Variants in RNF128 observed in about 807,000 individuals in gnomAD.
RNF128 encodes E3 ubiquitin-protein ligase RNF128.
A neutral mutation model predicts 26.2 loss-of-function variants in RNF128; 13 were observed. The observed-to-expected ratio is 0.50, with a 90% CI of 0.32 to 0.79. The LOEUF (loss-of-function observed/expected upper bound fraction) is 0.79, where lower values mean the gene tolerates loss of function less well. Ranked by LOEUF, RNF128 falls within the 30% of genes least tolerant of loss-of-function variation. The probability of loss-of-function intolerance (pLI) is 0.03; values close to 1 mark genes in which losing one functional copy is unlikely to be tolerated. For missense variants in RNF128, 315 were observed against 349.7 expected, an observed-to-expected ratio of 0.90 and a Z score of 0.79; for synonymous variants, 149 against 142.5, an observed-to-expected ratio of 1.05 and a Z score of -0.32.
Position 106,795,749 on chromosome X carries a change from T to A in RNF128, c.*36T>A, listed in dbSNP as rs1276714371. On this transcript the variant is annotated 3_prime_UTR_variant, in exon 7 of 7. Transcript: ENST00000255499. ...AATAGAAAACTTGAACCATTAGTAA[T>A]AACAGAACTGCCAATCAGGGCCTAG... 3 of 1,093,984 alleles carry A rather than the reference T, an allele frequency of 2.7e-6. No individual in the cohort carries two copies. The highest frequency in any genetic ancestry group is 3.7e-6 in the Non-Finnish European group (3 of 815,064). The allele number at this position is 1,093,984 out of a possible 1,213,427, so 90.2% of individuals were successfully genotyped here. A position where few individuals can be genotyped will look rare whatever the true frequency, so the allele number is the denominator to read the frequency against.
intron 1 of RNF128, among the ~76,000 whole-genome samples, chrX:106,758,813 T>C (rs1930070202): frequency 9.0e-6 from 1 of 111,211 alleles, no homozygotes; most frequent in African/African-American, 3.3e-5. Context: ...ATCTAAGACC[T>C]CAAAATATGA....
At chrX:106,759,441 C>G (rs369013611) in intron 1 of RNF128, among the ~76,000 whole-genome samples, 9 of 110,964 alleles carry the variant, frequency 8.1e-5, no homozygotes, top group African/African-American at 2.9e-4. Context: ...GGTATATACC[C>G]AAAAGAAAGG....
intron 1 of RNF128, among the ~76,000 whole-genome samples, chrX:106,721,465 T>A (rs193144253): frequency 8.9e-6 from 1 of 112,442 alleles, no homozygotes; most frequent in Admixed American, 9.5e-5. Context: ...TTCCCTGCTG[T>A]TGCTCCTGCA....
intron 1 of RNF128, among the ~76,000 whole-genome samples, chrX:106,699,994 CT>C (rs1351429673): frequency 1.3e-3 from 137 of 108,464 alleles, no homozygotes; most frequent in African/African-American, 4.3e-3. Flanking sequence ...TGTATATTTT[CT>C]TTTTTAATTT....
chrX:106,764,056 G>A (rs1473557074), intron 1 of RNF128, among the ~76,000 whole-genome samples: 4 of 107,925 alleles, frequency 3.7e-5, no homozygotes, highest in African/African-American at 6.8e-5. Context: ...TCCACCTCCC[G>A]GGTTCACGCC....
At chrX:106,792,012 CA>C (rs1198035758) in intron 6 of RNF128, among the ~76,000 whole-genome samples, 1 of 111,084 alleles carries the variant, frequency 9.0e-6, no homozygotes, top group Non-Finnish European at 1.9e-5. Context: ...ATGAAACTTT[CA>C]GCTTCCTATT....
upstream of RNF128, among the ~76,000 whole-genome samples, chrX:106,721,926 A>G (rs1407106162): frequency 8.9e-6 from 1 of 112,101 alleles, no homozygotes; most frequent in East Asian, 2.8e-4. Context: ...GAGATAATGC[A>G]TGTAAAACAT....
chrX:106,724,184 ACTC>A (rs1371620601), upstream of RNF128, among the ~76,000 whole-genome samples: 3 of 110,191 alleles, frequency 2.7e-5, no homozygotes, highest in Non-Finnish European at 3.8e-5. Context: ...GTAATTTCTA[ACTC>A]CTCCTTCTCT....
chrX:106,717,057 G>A (rs1338865115), intron 1 of RNF128, among the ~76,000 whole-genome samples: 1 of 110,475 alleles, frequency 9.1e-6, no homozygotes, highest in Non-Finnish European at 1.9e-5. Context: ...ATAAAAATTA[G>A]CCTGGCGTGG....
At chrX:106,726,647 C>T (rs1211655845), upstream of RNF128, 3 of 972,049 alleles carry the variant, frequency 3.1e-6, no homozygotes, top group Non-Finnish European at 3.9e-6. Context: ...ACCTCTACCC[C>T]CAGTCGGCTG....
chrX:106,732,327 G>A (rs1929515174), intron 1 of RNF128, among the ~76,000 whole-genome samples: 1 of 111,588 alleles, frequency 9.0e-6, no homozygotes, highest in South Asian at 3.7e-4. Flanking sequence ...GCATTTTGCT[G>A]GTAATTATTT....
At chrX:106,753,260 C>T (rs1296809910) in intron 1 of RNF128, among the ~76,000 whole-genome samples, 2 of 111,109 alleles carry the variant, frequency 1.8e-5, no homozygotes, top group Non-Finnish European at 3.8e-5. Flanking sequence ...AAGACATAGA[C>T]AGTATAATAA....
intron 1 of RNF128, among the ~76,000 whole-genome samples, chrX:106,740,431 A>G (rs1266347887): frequency 8.9e-6 from 1 of 111,985 alleles, no homozygotes; most frequent in African/African-American, 3.2e-5. Flanking sequence ...GGTGAAGGTC[A>G]TGTCCCAGTT....
At chrX:106,702,604 G>A (rs958565028) in intron 1 of RNF128, among the ~76,000 whole-genome samples, 2 of 111,682 alleles carry the variant, frequency 1.8e-5, no homozygotes, top group African/African-American at 3.3e-5. Flanking sequence ...TAGGCAGCAA[G>A]GACATCATAT....
intron 1 of RNF128, among the ~76,000 whole-genome samples, chrX:106,752,628 C>T (rs1365598655): frequency 1.8e-5 from 2 of 111,981 alleles, no homozygotes; most frequent in Admixed American, 9.4e-5. Flanking sequence ...ATTATAATAC[C>T]TATCTCTTCA....
At chrX:106,718,249 G>A (rs1418009560) in intron 1 of RNF128, among the ~76,000 whole-genome samples, 1 of 111,547 alleles carries the variant, frequency 9.0e-6, no homozygotes, top group East Asian at 2.8e-4. Context: ...TGGGATCATT[G>A]AAGATAAACT....
chrX:106,770,775 C>T (rs917032709), intron 1 of RNF128, among the ~76,000 whole-genome samples: 2 of 112,240 alleles, frequency 1.8e-5, no homozygotes, highest in South Asian at 7.4e-4. Context: ...CATTTTCCAT[C>T]CAGCTTTGTT....
intron 4 of RNF128, among the ~76,000 whole-genome samples, 198 bp from the exon 5 acceptor site, chrX:106,789,988 G>A (rs937543709): frequency 3.6e-5 from 4 of 109,838 alleles, no homozygotes; most frequent in African/African-American, 1.3e-4. Context: ...GAGTAATGAG[G>A]CTTTTACATT....
chrX:106,769,764 T>G (rs2147693434), intron 1 of RNF128, among the ~76,000 whole-genome samples: 1 of 110,749 alleles, frequency 9.0e-6, no homozygotes, highest in Non-Finnish European at 1.9e-5. Flanking sequence ...AAGTTAATAT[T>G]ATTATGTGTG....
Sources: gnomAD v4.1 joint callset for allele counts (sites outside exome capture counted in the v4.1 genomes callset) on GRCh38, gnomAD v4.1.1 for gene constraint, MANE v1.5 for transcripts, NCBI Gene and HGNC (gene_info 2026-07-23, HGNC 2026-07-21) for gene names.